The following RNF185 variants were observed in gnomAD, a reference collection of about 807,000 sequenced individuals.
RNF185 encodes the protein E3 ubiquitin-protein ligase RNF185.
A neutral mutation model predicts 24.9 loss-of-function variants in RNF185; 13 were observed. The observed-to-expected ratio is 0.52, with a 90% confidence interval of 0.34 to 0.83. RNF185 has a LOEUF of 0.83. Among genes scored for constraint, RNF185 ranks in the 40% least tolerant of loss-of-function variants. The probability of loss-of-function intolerance (pLI) is 0.01; values close to 1 mark genes in which losing one functional copy is unlikely to be tolerated. For synonymous variants in RNF185, 79 were observed against 90.3 expected, an observed-to-expected ratio of 0.88 and a Z score of 0.71; for missense variants, 184 against 244.7, an observed-to-expected ratio of 0.75 and a Z score of 1.65.
intron 5 of RNF185, among the ~76,000 whole-genome samples, chr22:31,197,660 ACCTCAG>A (rs2048219308): frequency 2.0e-5 from 3 of 152,062 alleles, no homozygotes; most frequent in African/African-American, 7.2e-5. Flanking sequence ...GGCTCAGTCT[ACCTCAG>A]CCTCCCATGT....
intron 1 of RNF185, among the ~76,000 whole-genome samples, chr22:31,181,255 G>A (rs1003310248): frequency 2.0e-5 from 3 of 151,386 alleles, no homozygotes; most frequent in Admixed American, 1.3e-4. Flanking sequence ...TGAGGCAGGG[G>A]ATTGCTTGAG....
At chr22:31,202,797 G>A (rs2048276086) in intron 6 of RNF185, among the ~76,000 whole-genome samples, 1 of 151,808 alleles carries the variant, frequency 6.6e-6, no homozygotes, top group South Asian at 2.1e-4. Context: ...GTATTTTTTT[G>A]TAGAGACAGG....
intron 1 of RNF185, among the ~76,000 whole-genome samples, chr22:31,164,929 A>G (rs1311094147): frequency 1.3e-5 from 2 of 148,708 alleles, no homozygotes; most frequent in African/African-American, 2.5e-5. Context: ...TTTGTTTTTG[A>G]GATGGAATTT....
intron 6 of RNF185, among the ~76,000 whole-genome samples, chr22:31,202,988 T>C (rs2048278101): frequency 6.6e-6 from 1 of 152,190 alleles, no homozygotes; most frequent in Non-Finnish European, 1.5e-5. Flanking sequence ...AGAGGAAGTA[T>C]ACCCCAAAAG....
At chr22:31,164,621 C>A (rs370910164) in intron 1 of RNF185, among the ~76,000 whole-genome samples, 1 of 147,988 alleles carries the variant, frequency 6.8e-6, no homozygotes, top group South Asian at 2.2e-4. Context: ...CGGAGTCTCA[C>A]CCTGTCACCC....
chr22:31,170,802 G>A (rs568821812), intron 1 of RNF185, among the ~76,000 whole-genome samples: 4 of 152,112 alleles, frequency 2.6e-5, no homozygotes, highest in East Asian at 1.9e-4. Flanking sequence ...GAGCCACCAC[G>A]CCTGGCCAGG....
chr22:31,167,877 T>A (rs1924029206), intron 1 of RNF185, among the ~76,000 whole-genome samples: 1 of 152,074 alleles, frequency 6.6e-6, no homozygotes, highest in Non-Finnish European at 1.5e-5. Context: ...CTTCCCAGAG[T>A]GCTGGGATTA....
Position 31,192,658 on chromosome 22 carries a change from ACTGGTTGCCCTGGGGACTCTGG to A in RNF185, c.177-24_177-3del. ...TCCCCTTTTCTCCTTCTCCTTGATG[ACTGGTTGCCCTGGGGACTCTGG>A]CAGTTGGCCGTGTTTACATCAGGTA... is the stretch of plus-strand genomic sequence containing the variant. On this transcript the variant is annotated splice_polypyrimidine_tract_variant and splice_region_variant and intron_variant, in intron 2 of 6. Coordinates refer to ENST00000326132, the MANE Select transcript of RNF185 (RefSeq NM_152267.4). 2 of 1,611,090 alleles carry A rather than the reference ACTGGTTGCCCTGGGGACTCTGG, an allele frequency of 1.2e-6. No individual in the cohort carries two copies. The highest frequency in any genetic ancestry group is 2.2e-5 in the South Asian group (2 of 90,990).
At chr22:31,204,329 C>T (rs1339444589) in intron 6 of RNF185, among the ~76,000 whole-genome samples, 160 bp from the exon 7 acceptor site, 17 of 148,836 alleles carry the variant, frequency 1.1e-4, no homozygotes, top group African/African-American at 2.0e-4. Context: ...GGCAACAGAG[C>T]GAGACTACAT....
chr22:31,168,991 T>A (rs1432672080), intron 1 of RNF185, among the ~76,000 whole-genome samples: 2 of 152,004 alleles, frequency 1.3e-5, no homozygotes, highest in African/African-American at 4.8e-5. Context: ...CTCTGCAACC[T>A]CCACCTCCTG....
At chr22:31,187,525 C>A (rs2147947300) in intron 2 of RNF185, among the ~76,000 whole-genome samples, 1 of 152,304 alleles carries the variant, frequency 6.6e-6, no homozygotes, top group South Asian at 2.1e-4. Flanking sequence ...CACTTACTAC[C>A]TGCTACTTGC....
At chr22:31,170,293 A>G (rs541265458) in intron 1 of RNF185, among the ~76,000 whole-genome samples, 1 of 151,962 alleles carries the variant, frequency 6.6e-6, no homozygotes, top group East Asian at 1.9e-4. Flanking sequence ...GGTTCATGCC[A>G]TTCTCCTGCC....
chr22:31,180,915 C>CTGTGTGTGTGTG (rs567264606), intron 1 of RNF185, among the ~76,000 whole-genome samples: 75 of 96,872 alleles, frequency 7.7e-4, no homozygotes, highest in Admixed American at 3.5e-3. Flanking sequence ...CTCTCTCTCT[C>CTGTGTGTGTGTG]TGTGTGTGTG....
At position 31,187,231 on chromosome 22, in the gene RNF185, C is replaced by A. The variant is rs1368913432; in HGVS notation, c.137C>A (p.Ala46Asp). ...TFECNICLDT[A>D]KDAVISLCGH... is the part of the protein sequence containing the mutation. ...GAGTGCAACATCTGCTTGGACACAG[C>A]CAAGGATGCCGTCATCAGCCTGTGT... is the stretch of plus-strand genomic sequence containing the variant. The change falls in exon 2 of 7, where the codon GCC (alanine) becomes GAC (aspartate). Residue 46 changes from alanine to aspartate, a missense_variant. Ala to Asp is a moderately radical substitution (Grantham distance 126). Transcript: ENST00000326132. The A allele has an allele frequency of 3.7e-6, 6 of 1,613,978 alleles. No individual in the cohort carries two copies. Among genetic ancestry groups the A allele is most frequent in the Non-Finnish European group, 5.1e-6 (6 of 1,179,990 alleles).
At chr22:31,163,656 T>TTTATTTATTTATTTA (rs71319165) in intron 1 of RNF185, among the ~76,000 whole-genome samples, 26 of 141,092 alleles carry the variant, frequency 1.8e-4, no homozygotes, top group Non-Finnish European at 3.5e-4. Flanking sequence ...TTTTATTTTA[T>TTTATTTATTTATTTA]TTTATTTATT....
At chr22:31,175,958 T>C (rs905832070) in intron 1 of RNF185, among the ~76,000 whole-genome samples, 2 of 152,298 alleles carry the variant, frequency 1.3e-5, no homozygotes, top group South Asian at 4.1e-4. Context: ...AGATGGGAGC[T>C]CTCTGTGTTG....
intron 1 of RNF185, among the ~76,000 whole-genome samples, chr22:31,172,080 A>ATACTC (rs2147927083): frequency 6.6e-6 from 1 of 152,358 alleles, no homozygotes; most frequent in Admixed American, 6.5e-5. Context: ...TATTGTTTTT[A>ATACTC]TACTCTACCT....
intron 1 of RNF185, among the ~76,000 whole-genome samples, chr22:31,171,156 C>CTTACTTATTTATTTAT (rs149267234): frequency 0.034 from 4,871 of 143,174 alleles, 327 homozygotes; most frequent in East Asian, 0.29. Flanking sequence ...CTCTGATTTA[C>CTTACTTATTTATTTAT]TTATTTATTT....
At chr22:31,204,068 G>A (rs564271081) in intron 6 of RNF185, among the ~76,000 whole-genome samples, 22 of 148,916 alleles carry the variant, frequency 1.5e-4, no homozygotes, top group African/African-American at 5.4e-4. Flanking sequence ...AAAAAGGCCA[G>A]GCATGGTGGC....
Sources: gnomAD v4.1 joint callset for allele counts (sites outside exome capture counted in the v4.1 genomes callset) on GRCh38, gnomAD v4.1.1 for gene constraint, MANE v1.5 for transcripts, NCBI Gene and HGNC (gene_info 2026-07-23, HGNC 2026-07-21) for gene names.